The following CREB5 variants were observed in gnomAD, a reference collection of about 807,000 sequenced individuals.
The protein encoded by CREB5 is cAMP responsive element binding protein 5.
In CREB5, 19 loss-of-function variants were observed where a neutral mutation model predicts 57.1. The ratio of observed to expected loss-of-function variants is 0.33; its 90% CI spans 0.23 to 0.49. The LOEUF (loss-of-function observed/expected upper bound fraction) is 0.49, where lower values mean the gene tolerates loss of function less well. Ranked by LOEUF, CREB5 falls within the 20% of genes least tolerant of loss-of-function variation. The pLI is 0.99. For missense variants in CREB5, 579 were observed against 671.6 expected, an observed-to-expected ratio of 0.86 and a Z score of 1.52; for synonymous variants, 238 against 238.3, an observed-to-expected ratio of 1.00 and a Z score of 0.01.
chr7:28,593,416 T>C (rs1393373967), intron 5 of CREB5, among the ~76,000 whole-genome samples: 1 of 152,018 alleles, frequency 6.6e-6, no homozygotes, highest in East Asian at 1.9e-4. Flanking sequence ...GCCTGGCTAA[T>C]TTTTGTATTT....
chr7:28,668,297 T>G (rs1466953574), intron 5 of CREB5, among the ~76,000 whole-genome samples: 1 of 152,194 alleles, frequency 6.6e-6, no homozygotes, highest in Non-Finnish European at 1.5e-5. Flanking sequence ...CATCTTTTAA[T>G]TGAAGGAAAA....
chr7:28,703,726 G>A (rs1801974547), intron 5 of CREB5, among the ~76,000 whole-genome samples: 1 of 152,134 alleles, frequency 6.6e-6, no homozygotes, highest in African/African-American at 2.4e-5. Context: ...TTCTATTCAG[G>A]TCCTCAATGG....
At chr7:28,623,523 C>G (rs375118947) in intron 5 of CREB5, among the ~76,000 whole-genome samples, 1 of 152,130 alleles carries the variant, frequency 6.6e-6, no homozygotes, top group Non-Finnish European at 1.5e-5. Flanking sequence ...GGCTCTTACT[C>G]CTTGATCTGA....
intron 1 of CREB5, among the ~76,000 whole-genome samples, chr7:28,480,898 T>A (rs1163834046): frequency 1.3e-5 from 2 of 152,124 alleles, no homozygotes; most frequent in African/African-American, 2.4e-5. Context: ...TAAGACAGGA[T>A]TATGTGAAAC....
At chr7:28,549,537 A>G (rs958819000) in intron 4 of CREB5, among the ~76,000 whole-genome samples, 1 of 152,198 alleles carries the variant, frequency 6.6e-6, no homozygotes, top group African/African-American at 2.4e-5. Context: ...TCACTTCCTT[A>G]GGAAGCTATA....
Position 28,485,600 on chromosome 7 carries a change from G to T in CREB5, c.4-2575G>T, listed in dbSNP as rs528641237. Among the ~76,000 whole-genome samples the T allele has an allele frequency of 3.3e-5, 5 of 152,176 alleles. No individual in the cohort carries two copies. In the East Asian group the frequency reaches 9.7e-4, roughly 29 times the overall value. ...CCATAGCCAATATGACAAGGAATGCGGTTGCTGAAGTTTGGTCTTTATACC... is the reference window on the plus strand; with the variant it reads ...CCATAGCCAATATGACAAGGAATGCTGTTGCTGAAGTTTGGTCTTTATACC... On this transcript the variant is annotated intron_variant, in intron 1 of 10. Coordinates refer to ENST00000357727, the MANE Select transcript of CREB5 (RefSeq NM_182898.4).
chr7:28,480,448 T>C (rs561043190), intron 1 of CREB5, among the ~76,000 whole-genome samples: 87 of 152,284 alleles, frequency 5.7e-4, no homozygotes, highest in Non-Finnish European at 1.0e-3. Context: ...TCTGGAAAAA[T>C]AGAGATGACA....
At chr7:28,643,007 C>T (rs10261868) in intron 5 of CREB5, among the ~76,000 whole-genome samples, 8 of 138,866 alleles carry the variant, frequency 5.8e-5, no homozygotes, top group Middle Eastern at 3.5e-3. Context: ...CACACACACA[C>T]ACACACACAC....
intron 5 of CREB5, among the ~76,000 whole-genome samples, chr7:28,581,163 G>A (rs1221669614): frequency 6.6e-6 from 1 of 152,222 alleles, no homozygotes; most frequent in Non-Finnish European, 1.5e-5. Flanking sequence ...CTGTTTAGGA[G>A]GCAGAACAGT....
chr7:28,560,943 T>C lies in CREB5; in HGVS notation c.292-9422T>C, dbSNP rs13245595. On this transcript the variant is annotated intron_variant, in intron 4 of 10. Transcript: ENST00000357727. ...GTGTGCGCGTGCGTGTGTGCGTGCG[T>C]GTGTGTGCGTGTGTGTGCGTGTGTG... Among the ~76,000 whole-genome samples, 29 of 33,168 alleles carry C rather than the reference T, an allele frequency of 8.7e-4. 2 individuals carry two copies. The highest frequency in any genetic ancestry group is 4.0e-3 in the East Asian group (2 of 498). 21.8% of individuals were successfully genotyped at this position (33,168 alleles called of 152,430 possible).
intron 5 of CREB5, among the ~76,000 whole-genome samples, chr7:28,651,674 T>A (rs181825352): frequency 1.7e-3 from 254 of 152,322 alleles, no homozygotes; most frequent in Non-Finnish European, 2.4e-3. Context: ...CCAACATGTG[T>A]CAGACGTAAG....
intron 1 of CREB5, among the ~76,000 whole-genome samples, chr7:28,482,711 G>A (rs1359983310): frequency 1.3e-5 from 2 of 152,132 alleles, no homozygotes; most frequent in African/African-American, 4.8e-5. Context: ...TAAAATTCAA[G>A]CCCCCCTTTC....
chr7:28,671,803 T>G (rs13246241), intron 5 of CREB5, among the ~76,000 whole-genome samples: 36,429 of 152,118 alleles, frequency 0.24, 4,654 homozygotes, highest in Middle Eastern at 0.38. Context: ...AATTTTTGTT[T>G]CCTCAACTGT....
intron 4 of CREB5, among the ~76,000 whole-genome samples, chr7:28,543,578 TA>T (rs34533813): frequency 0.051 from 4,728 of 92,236 alleles, 190 homozygotes; most frequent in African/African-American, 0.15. Flanking sequence ...TCATTTTAGG[TA>T]AAAAAAAAAA....
Position 28,584,913 on chromosome 7 carries a change from T to G in CREB5, c.464+14376T>G, listed in dbSNP as rs555103833. Among the ~76,000 whole-genome samples, 188 of 152,306 alleles carry G rather than the reference T, an allele frequency of 1.2e-3. 1 individual carries two copies. Among genetic ancestry groups the G allele is most frequent in the Non-Finnish European group, 1.5e-3 (99 of 68,028 alleles). On this transcript the variant is annotated intron_variant, in intron 5 of 10. Transcript: ENST00000357727. ...TTTCTGGAGAACAGCTATCTTGCTG[T>G]TGGGACCTGTTTGGTGAGATGCCCC...
chr7:28,416,766 CTCTT>C (rs756005492), intron 1 of CREB5, among the ~76,000 whole-genome samples: 13 of 152,304 alleles, frequency 8.5e-5, no homozygotes, highest in African/African-American at 2.9e-4. Context: ...ACAAAATGTT[CTCTT>C]TGTCTATTCT....
At chr7:28,479,125 C>A (rs1791211977) in intron 1 of CREB5, among the ~76,000 whole-genome samples, 1 of 152,128 alleles carries the variant, frequency 6.6e-6, no homozygotes, top group African/African-American at 2.4e-5. Flanking sequence ...TCTCACTCAT[C>A]CTGTTGTGTT....
intron 1 of CREB5, among the ~76,000 whole-genome samples, chr7:28,413,694 A>G (rs1787906591): frequency 6.6e-6 from 1 of 152,194 alleles, no homozygotes; most frequent in African/African-American, 2.4e-5. Flanking sequence ...GAACATTCCA[A>G]CAAAAAATTG....
At chr7:28,445,269 C>T (rs1173868481) in intron 1 of CREB5, among the ~76,000 whole-genome samples, 1 of 152,174 alleles carries the variant, frequency 6.6e-6, no homozygotes, top group Middle Eastern at 3.2e-3. Context: ...AGTGTGAGAA[C>T]CGACTAATAC....
Sources: allele counts gnomAD v4.1 joint callset (sites outside exome capture counted in the v4.1 genomes callset), GRCh38; gene constraint gnomAD v4.1.1; transcripts MANE v1.5; gene names NCBI Gene and HGNC (gene_info 2026-07-23, HGNC 2026-07-21).